ST6GAL2: variants seen among roughly 807,000 people sequenced by gnomAD.
The protein encoded by ST6GAL2 is ST6 beta-galactoside alpha-2,6-sialyltransferase 2.
ST6GAL2 carries 24 observed loss-of-function variants against 37.5 expected under a neutral mutation model. The observed-to-expected ratio is 0.64, with a 90% CI of 0.46 to 0.90. ST6GAL2 has a LOEUF of 0.90. Among genes scored for constraint, ST6GAL2 ranks in the 40% least tolerant of loss-of-function variants. The probability of loss-of-function intolerance (pLI) is 0.00; values close to 1 mark genes in which losing one functional copy is unlikely to be tolerated. For missense variants in ST6GAL2, 715 were observed against 712.7 expected, an observed-to-expected ratio of 1.00 and a Z score of -0.04; for synonymous variants, 306 against 295.1, an observed-to-expected ratio of 1.04 and a Z score of -0.38.
intron 5 of ST6GAL2, among the ~76,000 whole-genome samples, chr2:106,811,816 C>A (rs1026236629): frequency 4.6e-5 from 7 of 152,106 alleles, no homozygotes; most frequent in Admixed American, 4.6e-4. Flanking sequence ...AATAGGAAGA[C>A]CCAGAATCTA....
At chr2:106,840,974 G>A (rs560613203) in intron 2 of ST6GAL2, among the ~76,000 whole-genome samples, 56 of 152,200 alleles carry the variant, frequency 3.7e-4, no homozygotes, top group African/African-American at 1.2e-3. Flanking sequence ...ATTTCACCCC[G>A]GGGACCTCTA....
rs60230673 is a variant in ST6GAL2 at position 106,807,728 on chromosome 2, C to T, written c.1319-779G>A. Among the ~76,000 whole-genome samples the T allele has an allele frequency of 1.7e-3, 263 of 151,758 alleles. 2 individuals carry two copies. The highest frequency in any genetic ancestry group is 6.0e-3 in the African/African-American group (249 of 41,336). On this transcript the variant is annotated intron_variant, in intron 5 of 5. Transcript: ENST00000409382. ...AAGCTCCCCCTTCCCCGATTCACGC[C>T]ATTCTCCTGCCTCAGCCTCCCAAGT...
At chr2:106,871,087 T>C (rs1229650637) in intron 1 of ST6GAL2, among the ~76,000 whole-genome samples, 1 of 152,354 alleles carries the variant, frequency 6.6e-6, no homozygotes. Flanking sequence ...TGGTATGGCC[T>C]ATTGCTTTGC....
At chr2:106,852,666 T>C (rs941771835) in intron 1 of ST6GAL2, among the ~76,000 whole-genome samples, 6 of 152,108 alleles carry the variant, frequency 3.9e-5, no homozygotes, top group African/African-American at 2.4e-5. Context: ...CCAGGGGCTG[T>C]TGGTTGGTTC....
intron 5 of ST6GAL2, among the ~76,000 whole-genome samples, chr2:106,810,954 A>AAAATAAATAAATAAATAAATAAAT (rs57102776): frequency 6.6e-6 from 1 of 151,450 alleles, no homozygotes; most frequent in East Asian, 2.0e-4. Flanking sequence ...GCATCCTGTC[A>AAAATAAATAAATAAATAAATAAAT]AAATAAATAA....
At chr2:106,875,311 G>T (rs1335156625) in intron 1 of ST6GAL2, among the ~76,000 whole-genome samples, 1 of 151,638 alleles carries the variant, frequency 6.6e-6, no homozygotes, top group Non-Finnish European at 1.5e-5. Context: ...AGAGTAACTG[G>T]GACCACAGGT....
At chr2:106,848,668 T>C (rs75129331) in intron 1 of ST6GAL2, among the ~76,000 whole-genome samples, 4,599 of 152,306 alleles carry the variant, frequency 0.03, 103 homozygotes, top group Admixed American at 0.057. Context: ...CCGCAGGAAC[T>C]TGAGCTGAGA....
At chr2:106,877,141 A>G (rs1223223259) in intron 1 of ST6GAL2, among the ~76,000 whole-genome samples, 1 of 152,226 alleles carries the variant, frequency 6.6e-6, no homozygotes, top group East Asian at 1.9e-4. Flanking sequence ...ACCAGTGGTT[A>G]CTGACTACAA....
intron 5 of ST6GAL2, among the ~76,000 whole-genome samples, chr2:106,811,031 C>T (rs1308572123): frequency 1.3e-5 from 2 of 151,932 alleles, no homozygotes; most frequent in Non-Finnish European, 2.9e-5. Flanking sequence ...GTTTATGGTG[C>T]CAAAGACGTA....
At chr2:106,865,114 T>C (rs1677968682) in intron 1 of ST6GAL2, among the ~76,000 whole-genome samples, 1 of 152,070 alleles carries the variant, frequency 6.6e-6, no homozygotes, top group Non-Finnish European at 1.5e-5. Flanking sequence ...GTAAATAACT[T>C]CCGAGAGCGC....
chr2:106,842,557 C>T (rs1452612491), intron 2 of ST6GAL2, among the ~76,000 whole-genome samples: 8 of 152,194 alleles, frequency 5.3e-5, no homozygotes, highest in African/African-American at 1.9e-4. Context: ...AGCTGACGCC[C>T]TGATTGGGCA....
intron 1 of ST6GAL2, among the ~76,000 whole-genome samples, chr2:106,847,206 C>T (rs1677180127): frequency 6.6e-6 from 1 of 152,152 alleles, no homozygotes; most frequent in African/African-American, 2.4e-5. Context: ...TTCTAAATGC[C>T]TGCTCTCAAG....
At chr2:106,841,836 A>G (rs1676897941) in intron 2 of ST6GAL2, among the ~76,000 whole-genome samples, 1 of 152,220 alleles carries the variant, frequency 6.6e-6, no homozygotes, top group Non-Finnish European at 1.5e-5. Context: ...TCAATCAAAA[A>G]AGATTAGAAT....
chr2:106,821,836 T>G (rs1048141536), intron 5 of ST6GAL2, among the ~76,000 whole-genome samples: 1 of 152,134 alleles, frequency 6.6e-6, no homozygotes, highest in Non-Finnish European at 1.5e-5. Flanking sequence ...GATTTATCCC[T>G]GGGATGCAAC....
rs139855872 is a variant in ST6GAL2, at chr2:106,859,662, T to C, written c.-57-15628A>G. 8.6e-3 allele frequency among the ~76,000 whole-genome samples: 1,306 copies of C among 152,226 alleles called. 10 individuals are homozygous for C. Among genetic ancestry groups the C allele is most frequent in the Non-Finnish European group, 0.014 (965 of 68,006 alleles). The stretch of plus-strand genomic sequence containing the variant: ...GATAACCCTAACTCCAAAACACATC[T>C]AGACTCTGACAACGCATTGCCTTCT... On this transcript the variant is annotated intron_variant, in intron 1 of 5. Coordinates refer to ENST00000409382, the MANE Select transcript of ST6GAL2 (RefSeq NM_001142351.2).
intron 1 of ST6GAL2, among the ~76,000 whole-genome samples, chr2:106,871,567 C>A (rs1678269371): frequency 6.6e-6 from 1 of 152,096 alleles, no homozygotes; most frequent in Non-Finnish European, 1.5e-5. Flanking sequence ...TACAAAATAT[C>A]TTTATATTTA....
chr2:106,824,969 C>A (rs1038678051), intron 5 of ST6GAL2: 2 of 152,144 alleles, frequency 1.3e-5, no homozygotes, highest in Admixed American at 6.5e-5. Flanking sequence ...GCCCCAGGAC[C>A]AACAGTGTCA....
intron 2 of ST6GAL2, chr2:106,834,351 A>G: frequency 1.9e-6 from 1 of 520,772 alleles, no homozygotes; most frequent in Non-Finnish European, 3.4e-6. Flanking sequence ...GGATATATAT[A>G]GATGTAAAAT....
chr2:106,861,349 T>C (rs1335656369), intron 1 of ST6GAL2, among the ~76,000 whole-genome samples: 1 of 152,196 alleles, frequency 6.6e-6, no homozygotes, highest in African/African-American at 2.4e-5. Context: ...TCTCCCAATT[T>C]GTGAATAAGT....
Sources: allele counts gnomAD v4.1 joint callset (sites outside exome capture counted in the v4.1 genomes callset), GRCh38; gene constraint gnomAD v4.1.1; transcripts MANE v1.5; gene names NCBI Gene and HGNC (gene_info 2026-07-23, HGNC 2026-07-21).